GTF2B: variants seen among roughly 807,000 people sequenced by gnomAD.
The protein encoded by GTF2B is general transcription factor IIB, also known as transcription initiation factor IIB.
Under a neutral mutation model 34.6 loss-of-function variants are expected in GTF2B, and 20 were observed. The ratio of observed to expected loss-of-function variants is 0.58; its 90% CI spans 0.41 to 0.84. GTF2B has a LOEUF of 0.84. Among genes scored for constraint, GTF2B ranks in the 40% least tolerant of loss-of-function variants. The pLI, the probability that GTF2B is intolerant of heterozygous loss-of-function variation, is 0.00. For synonymous variants in GTF2B, 142 were observed against 132.4 expected, an observed-to-expected ratio of 1.07 and a Z score of -0.50; for missense variants, 237 against 393.3, an observed-to-expected ratio of 0.60 and a Z score of 3.36.
chr1:88,873,182 G>GTTTTTTTTT (rs869087763), intron 2 of GTF2B, among the ~76,000 whole-genome samples: 3 of 100,448 alleles, frequency 3.0e-5, no homozygotes, highest in Non-Finnish European at 5.7e-5. Flanking sequence ...ATTCCATTAA[G>GTTTTTTTTT]TTTTTTTTTT....
chr1:88,857,006 G>C (rs571951925), intron 6 of GTF2B, among the ~76,000 whole-genome samples, 200 bp downstream of exon 6: 107 of 152,232 alleles, frequency 7.0e-4, no homozygotes, highest in Non-Finnish European at 1.4e-3. Context: ...TCACCATGTT[G>C]ATCAGGCTGG....
chr1:88,866,831 T>G (rs1268405748), intron 2 of GTF2B, among the ~76,000 whole-genome samples: 2 of 152,184 alleles, frequency 1.3e-5, no homozygotes, highest in Non-Finnish European at 2.9e-5. Flanking sequence ...CATCCCTGTA[T>G]GCAAGGAGAA....
chr1:88,877,968 GT>G (rs1470426775), intron 2 of GTF2B, among the ~76,000 whole-genome samples: 1 of 152,034 alleles, frequency 6.6e-6, no homozygotes, highest in Non-Finnish European at 1.5e-5. Flanking sequence ...ACAACTAACA[GT>G]TTCACAGTAG....
At chr1:88,856,520 C>CA (rs1334419913) in intron 6 of GTF2B, among the ~76,000 whole-genome samples, 1 of 152,002 alleles carries the variant, frequency 6.6e-6, no homozygotes, top group Non-Finnish European at 1.5e-5. Context: ...TGTAGAATCC[C>CA]ATGCCAAGCA....
At chr1:88,856,272 C>CAAAAAAAAAAAAAAAAAAAAAAAAAAA (rs377030804) in intron 6 of GTF2B, among the ~76,000 whole-genome samples, 1 of 50,032 alleles carries the variant, frequency 2.0e-5, no homozygotes, top group African/African-American at 8.9e-5. Context: ...GTTTCAAAAA[C>CAAAAAAAAAAAAAAAAAAAAAAAAAAA]AAAAAAAAAA....
chr1:88,881,248 C>T lies in GTF2B; in HGVS notation c.124+6013G>A, dbSNP rs543772763. Among the ~76,000 whole-genome samples the T allele has an allele frequency of 1.1e-4, 17 of 150,504 alleles. 1 individual carries two copies. In the East Asian group the frequency reaches 2.0e-3, roughly 17 times the overall value. ...CAGTACTCAGTACAATACCACTGTA[C>T]AGGTTTGTAGCCCAGAAGCAATAGG... On this transcript the variant is annotated intron_variant, in intron 2 of 6. Coordinates refer to ENST00000370500, the MANE Select transcript of GTF2B (RefSeq NM_001514.6).
chr1:88,891,030 T>C (rs1338014149), intron 1 of GTF2B, among the ~76,000 whole-genome samples: 1 of 146,278 alleles, frequency 6.8e-6, no homozygotes, highest in Admixed American at 7.3e-5. Context: ...GTCAGATCGA[T>C]AGGAACCTGA....
At position 88,856,272 on chromosome 1, in the gene GTF2B, CAAAAAAAAAAAAAAAAAACAAAA is replaced by C. The variant is rs1277138540; in HGVS notation, c.817+911_817+933del. Among the ~76,000 whole-genome samples, 40 of 50,038 alleles carry C rather than the reference CAAAAAAAAAAAAAAAAAACAAAA, an allele frequency of 8.0e-4. No individual in the cohort carries two copies. In the East Asian group the frequency reaches 0.026, roughly 32 times the overall value. 32.8% of individuals were successfully genotyped at this position (50,038 alleles called of 152,430 possible). A position where few individuals can be genotyped will look rare whatever the true frequency, so the allele number is the denominator to read the frequency against. On this transcript the variant is annotated intron_variant, in intron 6 of 6. Transcript: ENST00000370500. ...CAACAGAGGGAGACTGTTTCAAAAA[CAAAAAAAAAAAAAAAAAACAAAA>C]AAAAAAAAGGAAAAGAAATTCACTT...
At chr1:88,866,631 C>A (rs1673566174) in intron 2 of GTF2B, among the ~76,000 whole-genome samples, 1 of 152,146 alleles carries the variant, frequency 6.6e-6, no homozygotes, top group Non-Finnish European at 1.5e-5. Context: ...TAGTCGTGAA[C>A]CCCTAGGCTC....
chr1:88,853,153 A>AT lies in GTF2B; in HGVS notation c.*59dup. 1 of 1,497,380 alleles carries AT rather than the reference A, an allele frequency of 6.7e-7. No individual in the cohort carries two copies. The highest frequency in any genetic ancestry group is 1.1e-5 in the South Asian group (1 of 88,676). The allele number at this position is 1,497,380 out of a possible 1,614,324, so 92.8% of individuals were successfully genotyped here. A position where few individuals can be genotyped will look rare whatever the true frequency, so the allele number is the denominator to read the frequency against. ...TGAAAGGCTCAACCCAGCATTTTGT[A>AT]TAGGCTATGTACAACAGGCAAAGTT... is the stretch of plus-strand genomic sequence containing the variant. On this transcript the variant is annotated 3_prime_UTR_variant, in exon 7 of 7. Coordinates refer to ENST00000370500, the MANE Select transcript of GTF2B (RefSeq NM_001514.6).
chr1:88,853,269 GATC>G lies in GTF2B; in HGVS notation c.892_894del (p.Asp298del). 1 of 1,612,278 alleles carries G rather than the reference GATC, an allele frequency of 6.2e-7. No individual in the cohort carries two copies. Among genetic ancestry groups the G allele is most frequent in the Non-Finnish European group, 8.5e-7 (1 of 1,178,286 alleles). On this transcript the variant is annotated inframe_deletion, in exon 7 of 7. Transcript: ENST00000370500. ...TCAAATTTGAAGTCTGTAGGAAACA[GATC>G]TGGGGCTCGAGGATAGATCAGTCTA...
At chr1:88,873,182 GTTT>G (rs869087763) in intron 2 of GTF2B, among the ~76,000 whole-genome samples, 6 of 100,444 alleles carry the variant, frequency 6.0e-5, no homozygotes, top group East Asian at 6.1e-4. Flanking sequence ...ATTCCATTAA[GTTT>G]TTTTTTTTTT....
chr1:88,888,287 C>T (rs564812511), intron 1 of GTF2B, among the ~76,000 whole-genome samples: 36 of 152,252 alleles, frequency 2.4e-4, no homozygotes, highest in Admixed American at 3.9e-4. Flanking sequence ...CTAGCAAATA[C>T]AATTCAGAAT....
intron 6 of GTF2B, among the ~76,000 whole-genome samples, chr1:88,856,289 A>AAAAAAAAAAAAAAAAAAG (rs1673310023): frequency 2.2e-5 from 2 of 92,998 alleles, no homozygotes; most frequent in East Asian, 2.3e-4. Context: ...AAAAAAAAAA[A>AAAAAAAAAAAAAAAAAAG]ACAAAAAAAA....
chr1:88,890,192 G>T (rs1674168260), intron 1 of GTF2B, among the ~76,000 whole-genome samples: 1 of 149,434 alleles, frequency 6.7e-6, no homozygotes, highest in Admixed American at 6.7e-5. Context: ...ATTTTAAGTC[G>T]TATTTGAGTG....
intron 6 of GTF2B, among the ~76,000 whole-genome samples, chr1:88,855,351 CTGTTTT>C (rs1274228932): frequency 7.3e-4 from 106 of 144,798 alleles, no homozygotes; most frequent in South Asian, 4.3e-3. Flanking sequence ...AATTCACTTT[CTGTTTT>C]TGTTTTTTTT....
chr1:88,869,964 G>A (rs1306864311), intron 2 of GTF2B, among the ~76,000 whole-genome samples: 1 of 145,438 alleles, frequency 6.9e-6, no homozygotes, highest in African/African-American at 2.6e-5. Context: ...GTTTCGCCCT[G>A]TCACCCAGGC....
chr1:88,860,699 T>A (rs992580606), intron 3 of GTF2B, among the ~76,000 whole-genome samples: 2 of 151,976 alleles, frequency 1.3e-5, no homozygotes, highest in African/African-American at 4.8e-5. Flanking sequence ...AGAAGAAAAA[T>A]CATGATCATC....
At chr1:88,880,545 G>A (rs372854034) in intron 2 of GTF2B, among the ~76,000 whole-genome samples, 2 of 152,162 alleles carry the variant, frequency 1.3e-5, no homozygotes, top group South Asian at 2.1e-4. Flanking sequence ...TCTATGTTTC[G>A]ATATATAAAT....
Sources: gnomAD v4.1 joint callset for allele counts (sites outside exome capture counted in the v4.1 genomes callset) on GRCh38, gnomAD v4.1.1 for gene constraint, MANE v1.5 for transcripts, NCBI Gene and HGNC (gene_info 2026-07-23, HGNC 2026-07-21) for gene names.